Variants in CTNNA3 observed in about 807,000 individuals in gnomAD.
CTNNA3 encodes the protein catenin alpha 3, also known as catenin alpha-3.
CTNNA3 carries 76 observed loss-of-function variants against 95.7 expected under a neutral mutation model. The observed-to-expected ratio is 0.79, with a 90% CI of 0.66 to 0.96. The LOEUF is 0.96. CTNNA3 is among the 40% of genes least tolerant of loss of function. The pLI, the probability that CTNNA3 is intolerant of heterozygous loss-of-function variation, is 0.00. For missense variants in CTNNA3, 1,191 were observed against 1,089.8 expected (o/e 1.09, Z -1.31); for synonymous variants, 431 against 374.4 (o/e 1.15, Z -1.74).
chr10:67,042,798 T>C (rs1265351923), intron 7 of CTNNA3, among the ~76,000 whole-genome samples: 1 of 152,160 alleles, frequency 6.6e-6, no homozygotes, highest in East Asian at 1.9e-4. Context: ...TGGTGTCAGT[T>C]GTCAATGATT....
intron 12 of CTNNA3, among the ~76,000 whole-genome samples, chr10:66,370,301 C>T (rs1163231334): frequency 1.4e-4 from 22 of 152,100 alleles, no homozygotes; most frequent in Middle Eastern, 3.2e-3. Flanking sequence ...CAGCTACAGG[C>T]TATTCATACA....
chr10:66,332,665 C>T (rs2092345209), intron 12 of CTNNA3, among the ~76,000 whole-genome samples: 1 of 152,028 alleles, frequency 6.6e-6, no homozygotes, highest in African/African-American at 2.4e-5. Flanking sequence ...CGATGTTCAT[C>T]AGGGATATTG....
chr10:66,011,113 C>T (rs1043806772), intron 15 of CTNNA3, among the ~76,000 whole-genome samples: 41 of 152,104 alleles, frequency 2.7e-4, no homozygotes, highest in African/African-American at 9.9e-4. Flanking sequence ...TAGTCTATTG[C>T]TTTGAAATGA....
intron 15 of CTNNA3, among the ~76,000 whole-genome samples, chr10:65,999,155 G>C (rs969139919): frequency 3.3e-5 from 5 of 152,098 alleles, no homozygotes; most frequent in Admixed American, 3.3e-4. Flanking sequence ...GGCAGGACTA[G>C]ATGTTACGTA....
chr10:67,467,521 T>C (rs111962372), intron 5 of CTNNA3, among the ~76,000 whole-genome samples: 1,611 of 152,198 alleles, frequency 0.011, 30 homozygotes, highest in African/African-American at 0.036. Context: ...TCACACATCC[T>C]TTACACCTAA....
intron 6 of CTNNA3, among the ~76,000 whole-genome samples, chr10:67,217,766 A>C: frequency 6.6e-6 from 1 of 152,150 alleles, no homozygotes; most frequent in East Asian, 1.9e-4. Flanking sequence ...TTATGGGAGC[A>C]TTCTCTGACA....
At chr10:65,972,395 C>A (rs7085779) in intron 16 of CTNNA3, among the ~76,000 whole-genome samples, 106,623 of 151,924 alleles carry the variant, frequency 0.7, 37,779 homozygotes, top group African/African-American at 0.79. Flanking sequence ...AAAAGTCAAC[C>A]TATATTTCTT....
At chr10:66,547,571 T>A (rs572640982) in intron 10 of CTNNA3, among the ~76,000 whole-genome samples, 1 of 151,916 alleles carries the variant, frequency 6.6e-6, no homozygotes, top group South Asian at 2.1e-4. Flanking sequence ...CTCGATCTCC[T>A]GACCTCGTAA....
chr10:66,259,644 TTA>T (rs1470644055), intron 13 of CTNNA3, among the ~76,000 whole-genome samples: 8 of 152,174 alleles, frequency 5.3e-5, no homozygotes, highest in African/African-American at 1.9e-4. Flanking sequence ...TCCAGATTCT[TTA>T]GAGAAGAGGA....
chr10:66,350,664 T>G (rs2394200), intron 12 of CTNNA3, among the ~76,000 whole-genome samples: 54,947 of 151,234 alleles, frequency 0.36, 11,423 homozygotes, highest in Non-Finnish European at 0.46. Context: ...AAAATGCTTA[T>G]TTTCCTCTTA....
intron 1 of CTNNA3, among the ~76,000 whole-genome samples, chr10:67,702,271 C>A (rs543039129): frequency 6.6e-6 from 1 of 151,890 alleles, no homozygotes; most frequent in Non-Finnish European, 1.5e-5. Flanking sequence ...CTGCACCAAG[C>A]GGACCTAATA....
intron 7 of CTNNA3, among the ~76,000 whole-genome samples, chr10:66,900,219 C>T (rs1845679797): frequency 6.6e-6 from 1 of 152,100 alleles, no homozygotes; most frequent in Admixed American, 6.5e-5. Context: ...CTGGTGAAAC[C>T]CAGGCAAAAG....
Position 66,429,432 on chromosome 10 carries a change from T to G in CTNNA3, c.1532-50080A>C, listed in dbSNP as rs939692262. On this transcript the variant is annotated intron_variant, in intron 11 of 17. Transcript: ENST00000433211. ...GCCAGCATCATCCTGATACCAAAGC[T>G]GGCAGAGACACAAGCAAAAAAGAGA... Among the ~76,000 whole-genome samples, 384 of 146,896 alleles carry G rather than the reference T, an allele frequency of 2.6e-3. 2 individuals carry two copies. Among genetic ancestry groups the G allele is most frequent in the African/African-American group, 9.0e-3 (353 of 39,298 alleles).
chr10:66,679,307 T>G (rs2132495908), intron 9 of CTNNA3, among the ~76,000 whole-genome samples: 1 of 152,324 alleles, frequency 6.6e-6, no homozygotes, highest in South Asian at 2.1e-4. Flanking sequence ...ATTTTGAGGA[T>G]ACTAGCTTCA....
intron 11 of CTNNA3, among the ~76,000 whole-genome samples, chr10:66,499,807 T>C (rs1840217732): frequency 3.0e-5 from 1 of 33,400 alleles, no homozygotes; most frequent in Admixed American, 3.5e-4. Context: ...TTGCATTTCC[T>C]TTTTTTTTTT....
At chr10:67,274,009 G>A (rs147879359) in intron 5 of CTNNA3, among the ~76,000 whole-genome samples, 101 of 152,216 alleles carry the variant, frequency 6.6e-4, no homozygotes, top group Admixed American at 4.6e-3. Flanking sequence ...GAATATGTAC[G>A]CTTAAGATTT....
At chr10:67,577,612 A>C (rs1842208910) in intron 3 of CTNNA3, among the ~76,000 whole-genome samples, 1 of 151,646 alleles carries the variant, frequency 6.6e-6, no homozygotes, top group Non-Finnish European at 1.5e-5. Context: ...CTATGTCCTG[A>C]ATGGTAATGC....
intron 14 of CTNNA3, among the ~76,000 whole-genome samples, chr10:66,102,056 C>T (rs745795192): frequency 5.3e-5 from 8 of 152,106 alleles, no homozygotes; most frequent in Non-Finnish European, 1.0e-4. Flanking sequence ...AATGTTTCTG[C>T]AGAGCTTGTA....
intron 11 of CTNNA3, among the ~76,000 whole-genome samples, chr10:66,483,366 C>CT (rs34940403): frequency 0.19 from 28,128 of 150,812 alleles, 4,732 homozygotes; most frequent in East Asian, 0.52. Flanking sequence ...GAAAACTTGG[C>CT]TTTTTTTTTA....
Sources: allele counts gnomAD v4.1 joint callset (sites outside exome capture counted in the v4.1 genomes callset), GRCh38; gene constraint gnomAD v4.1.1; transcripts MANE v1.5; gene names NCBI Gene and HGNC (gene_info 2026-07-23, HGNC 2026-07-21).